PRAG1: variants seen among roughly 807,000 people sequenced by gnomAD.
The protein encoded by PRAG1 is PEAK1 related, kinase-activating pseudokinase 1, also known as inactive tyrosine-protein kinase PRAG1.
A neutral mutation model predicts 95.6 loss-of-function variants in PRAG1; 110 were observed. That is an observed-to-expected ratio of 1.15 (90% confidence interval 0.99 to 1.35). PRAG1 has a LOEUF of 1.35. Ranked by LOEUF, PRAG1 falls within the 40% of genes most tolerant of loss-of-function variation. The pLI is 0.00. For missense variants in PRAG1, 2,554 were observed against 1,864.7 expected (o/e 1.37, Z -6.81); for synonymous variants, 1,052 against 819.4 (o/e 1.28, Z -4.85).
intron 3 of PRAG1, among the ~76,000 whole-genome samples, chr8:8,347,292 G>A (rs530103357): frequency 9.9e-5 from 15 of 152,188 alleles, no homozygotes; most frequent in Non-Finnish European, 2.2e-4. Context: ...CAGCCGGAAT[G>A]CTTCTCCAGG....
At position 8,318,057 on chromosome 8, in the gene PRAG1, T is replaced by C. The variant is rs1180706805; in HGVS notation, c.*97A>G. ...ATTTTACATCCAGGTATCCCAGTCA[T>C]CTGTACCATTTCCCAGGGAGACATG... is the stretch of plus-strand genomic sequence containing the variant. On this transcript the variant is annotated 3_prime_UTR_variant, in exon 6 of 6. Transcript: ENST00000615670. The surrounding 1 kb of genome is among the most constrained non-coding windows in gnomAD (Gnocchi z 4.2). The C allele has an allele frequency of 3.5e-6, 4 of 1,154,994 alleles. No individual in the cohort carries two copies. The African/African-American group carries it at 6.2e-5, about 18-fold the overall frequency. The allele number at this position is 1,154,994 out of a possible 1,614,324, so 71.5% of individuals were successfully genotyped here.
chr8:8,327,102 G>C (rs1274106830), intron 5 of PRAG1, among the ~76,000 whole-genome samples: 2 of 152,140 alleles, frequency 1.3e-5, no homozygotes, highest in African/African-American at 4.8e-5. Context: ...GCCTATAGTA[G>C]ACACTCAATA....
At chr8:8,330,093 C>T (rs529658541) in intron 4 of PRAG1, among the ~76,000 whole-genome samples, 10 of 152,290 alleles carry the variant, frequency 6.6e-5, no homozygotes, top group South Asian at 2.1e-4. Context: ...GGGCTGGGCA[C>T]GGTGGCTTAT....
chr8:8,342,195 ATT>A (rs1407544785), intron 3 of PRAG1, among the ~76,000 whole-genome samples: 8 of 139,496 alleles, frequency 5.7e-5, no homozygotes, highest in Admixed American at 7.2e-5. Flanking sequence ...ATCTCATGTA[ATT>A]TTTTTTTTTT....
At chr8:8,367,199 C>G (rs1335379766) in intron 3 of PRAG1, among the ~76,000 whole-genome samples, 1 of 151,984 alleles carries the variant, frequency 6.6e-6, no homozygotes, top group Non-Finnish European at 1.5e-5. Context: ...ATCTTACCAT[C>G]CTTTTGATCT....
At chr8:8,338,825 A>C (rs1176426540) in intron 4 of PRAG1, among the ~76,000 whole-genome samples, 1 of 152,202 alleles carries the variant, frequency 6.6e-6, no homozygotes, top group African/African-American at 2.4e-5. Context: ...GTCTAAGAGA[A>C]ACGCAGGAGA....
At chr8:8,371,131 CAAAAAA>C (rs549978543) in intron 3 of PRAG1, among the ~76,000 whole-genome samples, 2 of 81,594 alleles carry the variant, frequency 2.5e-5, no homozygotes, top group African/African-American at 3.8e-5. Flanking sequence ...GATTCTGTCT[CAAAAAA>C]AAAAAAAAAA....
intron 4 of PRAG1, among the ~76,000 whole-genome samples, chr8:8,337,306 A>G (rs1231470588): frequency 6.6e-6 from 1 of 152,246 alleles, no homozygotes; most frequent in African/African-American, 2.4e-5. Context: ...TTACAAGATA[A>G]AAGTGAGTTA....
intron 3 of PRAG1, among the ~76,000 whole-genome samples, chr8:8,343,209 G>C (rs527480706): frequency 6.6e-6 from 1 of 150,454 alleles, no homozygotes; most frequent in African/African-American, 2.5e-5. Flanking sequence ...ATACCCATCA[G>C]ATCAGACTGA....
Position 8,377,964 on chromosome 8 carries a change from G to A in PRAG1, c.445C>T (p.Pro149Ser), listed in dbSNP as rs1800487548. The change falls in exon 3 of 6, where the codon CCT becomes TCT. Residue 149 changes from proline to serine, a missense_variant. Pro to Ser is a moderately conservative substitution (Grantham distance 74). Coordinates refer to ENST00000615670, the MANE Select transcript of PRAG1 (RefSeq NM_001080826.3). Reference sequence around the variant, plus strand: ...GGGGGACAGCGAGAATTGCCATCAGGGGAGGTAGAGGGACCAGCAGGCTTC... The same window carrying A: ...GGGGGACAGCGAGAATTGCCATCAGAGGAGGTAGAGGGACCAGCAGGCTTC... ...VQKPAGPSTS[P>S]DGNSRCPPAY... The A allele has an allele frequency of 1.2e-6, 2 of 1,613,600 alleles. No individual in the cohort carries two copies. Among genetic ancestry groups the A allele is most frequent in the African/African-American group, 1.3e-5 (1 of 74,926 alleles).
Position 8,371,870 on chromosome 8 carries a change from G to A in PRAG1, c.2162+4377C>T, listed in dbSNP as rs77221935. Among the ~76,000 whole-genome samples the A allele has an allele frequency of 9.4e-3, 1,435 of 152,130 alleles. 8 individuals are homozygous for A. The highest frequency in any genetic ancestry group is 0.018 in the South Asian group (88 of 4,818). On this transcript the variant is annotated intron_variant, in intron 3 of 5. Transcript: ENST00000615670. ...GCAGAGTGAGATTCTGTCTCAAAAC[G>A]AAACACACAAAAAACAAAGACGTCA... is the stretch of plus-strand genomic sequence containing the variant.
chr8:8,318,464 G>A lies in PRAG1; in HGVS notation c.3911C>T (p.Ala1304Val). 1 of 1,612,126 alleles carries A rather than the reference G, an allele frequency of 6.2e-7. No homozygotes were observed. The highest frequency in any genetic ancestry group is 1.3e-5 in the African/African-American group (1 of 75,050). ...GGGGTCGGCCTCCAGTAGCAGATGT[G>A]CCAGCTGCTGCAGGCCGGGTGAGTA... Reference protein sequence around the residue: ...SLYSPGLQQLAHLLLEADPIK... With the variant: ...SLYSPGLQQLVHLLLEADPIK... The change falls in exon 6 of 6, where the codon GCA becomes GTA. Residue 1304 changes from alanine (A) to valine (V), a missense_variant. By Grantham distance (64) the Ala-to-Val change is moderately conservative. Transcript: ENST00000615670. The surrounding 1 kb of genome is among the most constrained non-coding windows in gnomAD (Gnocchi z 4.2).
intron 3 of PRAG1, among the ~76,000 whole-genome samples, chr8:8,342,530 G>C (rs1799207411): frequency 6.6e-6 from 1 of 152,108 alleles, no homozygotes; most frequent in Non-Finnish European, 1.5e-5. Context: ...GAAACATTAT[G>C]TGTTCTCTGA....
At chr8:8,370,240 G>C (rs923876667) in intron 3 of PRAG1, among the ~76,000 whole-genome samples, 3 of 152,192 alleles carry the variant, frequency 2.0e-5, no homozygotes, top group Non-Finnish European at 4.4e-5. Context: ...GTGTTTCAAG[G>C]TTCCATCCCC....
chr8:8,337,895 T>C (rs1240515849), intron 4 of PRAG1, among the ~76,000 whole-genome samples: 1 of 152,140 alleles, frequency 6.6e-6, no homozygotes, highest in Non-Finnish European at 1.5e-5. Context: ...ACCAAGCTCA[T>C]GTCCCATTTC....
intron 3 of PRAG1, among the ~76,000 whole-genome samples, chr8:8,346,147 T>C (rs1563239022): frequency 6.6e-6 from 1 of 152,208 alleles, no homozygotes; most frequent in Non-Finnish European, 1.5e-5. Context: ...CAAGACTACT[T>C]AGCCTTTTTT....
At position 8,381,435 on chromosome 8, in the gene PRAG1, T is replaced by A. The variant is rs1447764432; in HGVS notation, c.313A>T (p.Ser105Cys). ...AGCCTCACCTGCGAGACTTCGGCAC[T>A]CAGGTTGGCCTCTGTCCACACATCA... is the stretch of plus-strand genomic sequence containing the variant. ...ASDVWTEANL[S>C]AEVSQVIWRR... The change falls in exon 2 of 6, where the codon AGT (serine) becomes TGT (cysteine). Residue 105 changes from serine to cysteine, a missense_variant. Physicochemically the swap from Ser to Cys is moderately radical, Grantham distance 112. Coordinates refer to ENST00000615670, the MANE Select transcript of PRAG1 (RefSeq NM_001080826.3). The A allele has an allele frequency of 3.7e-6, 6 of 1,606,090 alleles. No homozygotes were observed. The highest frequency in any genetic ancestry group is 1.7e-5 in the Admixed American group (1 of 59,790).
intron 3 of PRAG1, among the ~76,000 whole-genome samples, chr8:8,345,079 G>GTA (rs1347157784): frequency 2.6e-5 from 4 of 151,258 alleles, no homozygotes; most frequent in African/African-American, 9.7e-5. Context: ...GTGTGTGTGT[G>GTA]TGTGTGTGTG....
chr8:8,376,840 C>G lies in PRAG1; in HGVS notation c.1569G>C (p.Leu523=), dbSNP rs778891169. ...GEEETSAGQG[L]SSRESHAHSA... ...TGTGAGCATGGCTTTCCCTGGAGCT[C>G]AGCCCCTGCCCAGCCGAAGTCTCCT... The change falls in exon 3 of 6, where the codon CTG becomes CTC. Residue 523 remains leucine, a synonymous_variant. Transcript: ENST00000615670. The G allele has an allele frequency of 6.2e-7, 1 of 1,612,808 alleles. No individual in the cohort carries two copies. The highest frequency in any genetic ancestry group is 1.1e-5 in the South Asian group (1 of 91,062).
Sources: gnomAD v4.1 joint callset for allele counts (sites outside exome capture counted in the v4.1 genomes callset) on GRCh38, gnomAD v4.1.1 for gene constraint, Gnocchi (gnomAD v3.1) non-coding constraint, MANE v1.5 for transcripts, NCBI Gene and HGNC (gene_info 2026-07-23, HGNC 2026-07-21) for gene names.